The following AKR1B15 variants were observed in gnomAD, a reference collection of about 807,000 sequenced individuals.
AKR1B15 encodes aldo-keto reductase family 1 member B15, also known as estradiol 17-beta-dehydrogenase AKR1B15.
In AKR1B15, 49 loss-of-function variants were observed where a neutral mutation model predicts 38.5. The ratio of observed to expected loss-of-function variants is 1.27; its 90% confidence interval spans 1.01 to 1.62. The LOEUF is 1.62. AKR1B15 is among the 40% of genes most tolerant of loss of function. The pLI, the probability that AKR1B15 is intolerant of heterozygous loss-of-function variation, is 0.00. For missense variants in AKR1B15, 411 were observed against 381.6 expected, an observed-to-expected ratio of 1.08 and a Z score of -0.64; for synonymous variants, 137 against 135.5, an observed-to-expected ratio of 1.01 and a Z score of -0.08.
At chr7:134,565,305 T>C in intron 3 of AKR1B15, 1 of 1,069,250 alleles carries the variant, frequency 9.4e-7, no homozygotes, top group Non-Finnish European at 1.3e-6. Context: ...TCCAGACACA[T>C]CTGAAGGAAC....
intron 9 of AKR1B15, 108 bp from the exon 10 acceptor site, chr7:134,576,855 G>A (rs1192796880): frequency 2.1e-5 from 22 of 1,037,388 alleles, no homozygotes; most frequent in Middle Eastern, 2.1e-4. Flanking sequence ...AATTATTAGC[G>A]ATTGTACCTG....
At chr7:134,552,420 G>A (rs1032702725) in intron 1 of AKR1B15, among the ~76,000 whole-genome samples, 9 of 152,114 alleles carry the variant, frequency 5.9e-5, no homozygotes, top group African/African-American at 2.2e-4. Context: ...TCTGCCAGCT[G>A]TTGTAGAACT....
chr7:134,552,192 T>G (rs572262441), intron 1 of AKR1B15, among the ~76,000 whole-genome samples: 1 of 152,274 alleles, frequency 6.6e-6, no homozygotes, highest in Non-Finnish European at 1.5e-5. Flanking sequence ...GAGACCTGCT[T>G]CATAAGCTAC....
intron 10 of AKR1B15, 40 bp downstream of exon 10, chr7:134,577,086 A>G (rs750642148): frequency 6.4e-7 from 1 of 1,562,022 alleles, no homozygotes; most frequent in Non-Finnish European, 8.8e-7. Context: ...TCCTCAGTGG[A>G]GTGGGGGACA....
In AKR1B15 at chr7:134,571,701, A is replaced by T. The variant is rs1203012254; in HGVS notation, c.513+20A>T. On this transcript the variant is annotated intron_variant, in intron 6 of 11. Coordinates refer to ENST00000457545, the MANE Select transcript of AKR1B15 (RefSeq NM_001080538.3). ...TGGGAGGTAGGTTCCAGCTTTGTCT[A>T]AGTGTGCTGGGAGAGAAATCCTCAG... is the stretch of plus-strand genomic sequence containing the variant. 1 of 1,598,824 alleles carries T rather than the reference A, an allele frequency of 6.3e-7. No homozygotes were observed. Among genetic ancestry groups the T allele is most frequent in the Admixed American group, 1.7e-5 (1 of 59,202 alleles).
At chr7:134,565,365 C>G in intron 3 of AKR1B15, 1 of 1,533,272 alleles carries the variant, frequency 6.5e-7, no homozygotes, top group Non-Finnish European at 8.9e-7. Context: ...CTGTGAAGGT[C>G]CACGGCTTCA....
intron 10 of AKR1B15, among the ~76,000 whole-genome samples, 170 bp from the exon 11 acceptor site, chr7:134,577,534 G>A (rs915926601): frequency 1.3e-5 from 2 of 152,212 alleles, no homozygotes; most frequent in Non-Finnish European, 2.9e-5. Context: ...TGGTCTTTGT[G>A]TAGGACCTAA....
At chr7:134,564,810 G>A in intron 3 of AKR1B15, 41 bp downstream of exon 3, 2 of 618,602 alleles carry the variant, frequency 3.2e-6, no homozygotes, top group Non-Finnish European at 5.8e-6. Flanking sequence ...CCCAACAGCA[G>A]TTGTGGTGTC....
chr7:134,559,847 C>T (rs1004412526), intron 2 of AKR1B15, among the ~76,000 whole-genome samples: 46 of 152,282 alleles, frequency 3.0e-4, no homozygotes, highest in East Asian at 1.7e-3. Context: ...CAGTGGCTCA[C>T]GCCTGTAATC....
At chr7:134,549,513 T>C (rs944548613) in intron 1 of AKR1B15, among the ~76,000 whole-genome samples, 2 of 152,158 alleles carry the variant, frequency 1.3e-5, no homozygotes, top group African/African-American at 4.8e-5. Flanking sequence ...GTTCAAGGGC[T>C]TGCGCTTGAA....
Position 134,571,701 on chromosome 7 carries a change from A to G in AKR1B15, c.513+20A>G, listed in dbSNP as rs1203012254. 4 of 1,598,706 alleles carry G rather than the reference A, an allele frequency of 2.5e-6. No homozygotes were observed. The highest frequency in any genetic ancestry group is 1.3e-5 in the African/African-American group (1 of 74,480). On this transcript the variant is annotated intron_variant, in intron 6 of 11. Coordinates refer to ENST00000457545, the MANE Select transcript of AKR1B15 (RefSeq NM_001080538.3). ...TGGGAGGTAGGTTCCAGCTTTGTCT[A>G]AGTGTGCTGGGAGAGAAATCCTCAG...
chr7:134,559,045 G>T (rs1794301308), intron 2 of AKR1B15, among the ~76,000 whole-genome samples: 1 of 152,144 alleles, frequency 6.6e-6, no homozygotes, highest in Admixed American at 6.5e-5. Context: ...CCAGAATCAT[G>T]AACTGTCACT....
chr7:134,568,126 C>T (rs1370251164), intron 3 of AKR1B15, 32 bp from the exon 4 acceptor site: 4 of 1,612,390 alleles, frequency 2.5e-6, no homozygotes, highest in Non-Finnish European at 3.4e-6. Context: ...AAAAAAAATA[C>T]ATGTGTGATG....
Position 134,555,566 on chromosome 7 carries a change from A to C in AKR1B15, c.-146-1170A>C, listed in dbSNP as rs1585784006. ...CCTGTTATGTCCTCTGCCCCTTCCT[A>C]CTCTTTTCTCCTCACTTCCTTCATG... is the stretch of plus-strand genomic sequence containing the variant. On this transcript the variant is annotated intron_variant, in intron 1 of 11. Coordinates refer to ENST00000457545, the MANE Select transcript of AKR1B15 (RefSeq NM_001080538.3). Among the ~76,000 whole-genome samples the C allele has an allele frequency of 2.7e-5, 4 of 150,390 alleles. No individual in the cohort carries two copies. In the East Asian group the frequency reaches 7.8e-4, roughly 29 times the overall value.
chr7:134,557,574 G>A (rs568443758), intron 2 of AKR1B15, among the ~76,000 whole-genome samples: 2 of 151,604 alleles, frequency 1.3e-5, no homozygotes, highest in South Asian at 2.1e-4. Flanking sequence ...TCCTGGGAAC[G>A]CACTCGGTTG....
chr7:134,559,493 C>T lies in AKR1B15; in HGVS notation c.-23+2634C>T, dbSNP rs143269000. On this transcript the variant is annotated intron_variant, in intron 2 of 11. Coordinates refer to ENST00000457545, the MANE Select transcript of AKR1B15 (RefSeq NM_001080538.3). ...CTTGTTGCTGATTATAAATAATCCC[C>T]GGACCATGGCCCAAGAGCCCTCTAT... Among the ~76,000 whole-genome samples the T allele has an allele frequency of 3.7e-3, 558 of 152,206 alleles. 4 individuals are homozygous for T. Among genetic ancestry groups the T allele is most frequent in the African/African-American group, 9.6e-3 (399 of 41,532 alleles).
At chr7:134,570,464 C>A (rs1794644997) in intron 5 of AKR1B15, 1 of 152,088 alleles carries the variant, frequency 6.6e-6, no homozygotes. Flanking sequence ...TAAAAACTTG[C>A]TGGTTTTGTA....
At chr7:134,577,637 GC>G in intron 10 of AKR1B15, 66 bp from the exon 11 acceptor site, 1 of 1,552,930 alleles carries the variant, frequency 6.4e-7, no homozygotes, top group Admixed American at 1.8e-5. Flanking sequence ...TGCTAGAATG[GC>G]CGGCAGTCTC....
At chr7:134,564,361 C>A in intron 2 of AKR1B15, among the ~76,000 whole-genome samples, 1 of 152,206 alleles carries the variant, frequency 6.6e-6, no homozygotes, top group Admixed American at 6.5e-5. Context: ...GGCTCTGCAT[C>A]TTTTTAGGGG....
Sources: allele counts gnomAD v4.1 joint callset (sites outside exome capture counted in the v4.1 genomes callset), GRCh38; gene constraint gnomAD v4.1.1; transcripts MANE v1.5; gene names NCBI Gene and HGNC (gene_info 2026-07-23, HGNC 2026-07-21).